CAST: variants seen among roughly 807,000 people sequenced by gnomAD.
CAST encodes the protein MIR583 host.
Under a neutral mutation model 119.6 loss-of-function variants are expected in CAST, and 76 were observed. That is an observed-to-expected ratio of 0.64 (90% CI 0.53 to 0.77). The LOEUF (loss-of-function observed/expected upper bound fraction) is 0.77, where lower values mean the gene tolerates loss of function less well. Ranked by LOEUF, CAST falls within the 30% of genes least tolerant of loss-of-function variation. The pLI is 0.00. For missense variants in CAST, 953 were observed against 946.5 expected (o/e 1.01, Z -0.09); for synonymous variants, 319 against 331.6 (o/e 0.96, Z 0.41).
At chr5:96,060,291 A>G in the CAST span, among the ~76,000 whole-genome samples, 6 of 152,140 alleles carry the variant, frequency 3.9e-5, no homozygotes, top group African/African-American at 1.4e-4. Context: ...TTTGTCCTCT[A>G]TATTCATGAC....
chr5:96,269,236 T>C, the CAST span, among the ~76,000 whole-genome samples: 1 of 152,042 alleles, frequency 6.6e-6, no homozygotes, highest in Admixed American at 6.6e-5. Flanking sequence ...TTATATAACG[T>C]GAAAGGGGAC....
chr5:96,513,337 C>G, the CAST span, among the ~76,000 whole-genome samples: 1 of 152,098 alleles, frequency 6.6e-6, no homozygotes, highest in Non-Finnish European at 1.5e-5. Context: ...CAGGAGGAGA[C>G]AGACAATAAA....
Position 96,726,840 on chromosome 5 carries a change from A to T in CAST, c.317A>T (p.Lys106Met). 1 of 1,613,618 alleles carries T rather than the reference A, an allele frequency of 6.2e-7. No homozygotes were observed. The change falls in exon 5 of 32, where the codon AAG (lysine) becomes ATG (methionine). Residue 106 changes from lysine to methionine, a missense_variant. Coordinates refer to ENST00000675179, the MANE Select transcript of CAST (RefSeq NM_001750.7). ...ATGGAAGGACCACATCTTCCTAACA[A>T]GAAAAAACACAAAAAACAGGTGATG... Reference protein sequence around the residue: ...QQMEGPHLPNKKKHKKQAVKT... With the variant: ...QQMEGPHLPNMKKHKKQAVKT...
chr5:96,150,828 C>A, the CAST span, among the ~76,000 whole-genome samples: 3 of 152,110 alleles, frequency 2.0e-5, no homozygotes, highest in Non-Finnish European at 4.4e-5. Context: ...CTCTGAAAAC[C>A]CCATAAAGAG....
upstream of CAST, among the ~76,000 whole-genome samples, chr5:96,527,717 A>C (rs1745621370): frequency 6.6e-6 from 1 of 152,252 alleles, no homozygotes; most frequent in Non-Finnish European, 1.5e-5. Context: ...TCTTTCCCAG[A>C]AGTCTCAAAC....
At chr5:96,562,677 G>C (rs1269673339) in intron 1 of CAST, among the ~76,000 whole-genome samples, 2 of 152,132 alleles carry the variant, frequency 1.3e-5, no homozygotes, top group African/African-American at 4.8e-5. Context: ...TGACATATGG[G>C]CAAGGATACT....
the CAST span, among the ~76,000 whole-genome samples, chr5:96,281,809 A>T: frequency 6.6e-6 from 1 of 152,324 alleles, no homozygotes; most frequent in South Asian, 2.1e-4. Flanking sequence ...AAGGCTGGAA[A>T]ATGTAGGCTT....
chr5:96,077,474 A>T, the CAST span, among the ~76,000 whole-genome samples: 1 of 151,990 alleles, frequency 6.6e-6, no homozygotes, highest in Non-Finnish European at 1.5e-5. Flanking sequence ...AGTTGTATTT[A>T]TTTGCATGTG....
chr5:96,154,889 T>C, the CAST span, among the ~76,000 whole-genome samples: 1 of 152,204 alleles, frequency 6.6e-6, no homozygotes, highest in Non-Finnish European at 1.5e-5. Flanking sequence ...CCATGTCAGG[T>C]TTCCCCACTA....
At chr5:96,475,703 T>G in the CAST span, among the ~76,000 whole-genome samples, 1 of 152,174 alleles carries the variant, frequency 6.6e-6, no homozygotes, top group Non-Finnish European at 1.5e-5. Context: ...GAAGTTTCCA[T>G]GCCCTTCAGT....
At chr5:95,988,996 GT>G in the CAST span, among the ~76,000 whole-genome samples, 1 of 152,136 alleles carries the variant, frequency 6.6e-6, no homozygotes, top group East Asian at 1.9e-4. Flanking sequence ...GAGTGGGCCT[GT>G]TTTTAAAAGA....
At chr5:96,059,585 T>A in the CAST span, among the ~76,000 whole-genome samples, 144 of 152,058 alleles carry the variant, frequency 9.5e-4, no homozygotes, top group East Asian at 5.6e-3. Flanking sequence ...TGTGGCTTCC[T>A]GTTAAGGGAG....
At chr5:95,964,443 T>C in the CAST span, among the ~76,000 whole-genome samples, 1 of 152,254 alleles carries the variant, frequency 6.6e-6, no homozygotes, top group African/African-American at 2.4e-5. Flanking sequence ...AGGAATTTTC[T>C]GTTTCAGTGT....
chr5:96,595,139 T>C (rs1304007060), intron 1 of CAST, among the ~76,000 whole-genome samples: 1 of 152,190 alleles, frequency 6.6e-6, no homozygotes, highest in South Asian at 2.1e-4. Flanking sequence ...AAACGTGGGA[T>C]AGCAAGTGCA....
intron 29 of CAST, 46 bp from the exon 30 acceptor site, chr5:96,770,485 A>T (rs1366211261): frequency 8.2e-7 from 1 of 1,213,370 alleles, no homozygotes; most frequent in Admixed American, 1.7e-5. Flanking sequence ...TAATTGCTAG[A>T]TGGATTGGTG....
chr5:95,985,099 G>A, the CAST span, among the ~76,000 whole-genome samples: 1 of 152,138 alleles, frequency 6.6e-6, no homozygotes, highest in African/African-American at 2.4e-5. Flanking sequence ...GTTCCCTTGA[G>A]GCCAGGAGTT....
intron 2 of CAST, among the ~76,000 whole-genome samples, chr5:96,678,389 GCTTT>G (rs943429509): frequency 6.6e-6 from 1 of 152,156 alleles, no homozygotes; most frequent in Non-Finnish European, 1.5e-5. Flanking sequence ...TTGAAAATTT[GCTTT>G]CTATCTTCTT....
the CAST span, among the ~76,000 whole-genome samples, chr5:96,381,581 A>C: frequency 6.6e-6 from 1 of 152,216 alleles, no homozygotes; most frequent in African/African-American, 2.4e-5. Context: ...CAAATAATTA[A>C]TTAAGAGATG....
At chr5:95,991,915 G>T in the CAST span, among the ~76,000 whole-genome samples, 1 of 152,134 alleles carries the variant, frequency 6.6e-6, no homozygotes, top group African/African-American at 2.4e-5. Context: ...CTTATTCTAT[G>T]TGTGTAACAA....
Sources: gnomAD v4.1 joint callset for allele counts (sites outside exome capture counted in the v4.1 genomes callset) on GRCh38, gnomAD v4.1.1 for gene constraint, MANE v1.5 for transcripts, NCBI Gene and HGNC (gene_info 2026-07-23, HGNC 2026-07-21) for gene names.